PPP2R2B: variants seen among roughly 807,000 people sequenced by gnomAD.
The protein encoded by PPP2R2B is protein phosphatase 2 regulatory subunit Bbeta.
In PPP2R2B, 5 loss-of-function variants were observed where a neutral mutation model predicts 46.0. The ratio of observed to expected loss-of-function variants is 0.11; its 90% CI spans 0.06 to 0.23. The LOEUF (loss-of-function observed/expected upper bound fraction) is 0.23, where lower values mean the gene tolerates loss of function less well. Among genes scored for constraint, PPP2R2B ranks in the 10% least tolerant of loss-of-function variants. PPP2R2B has a pLI of 1.00. For missense variants in PPP2R2B, 367 were observed against 575.0 expected (o/e 0.64, Z 3.70); for synonymous variants, 215 against 206.7 (o/e 1.04, Z -0.34).
chr5:146,880,821 A>G (rs1762142391), upstream of PPP2R2B, among the ~76,000 whole-genome samples: 1 of 152,256 alleles, frequency 6.6e-6, no homozygotes, highest in African/African-American at 2.4e-5. Flanking sequence ...GCATTTATTC[A>G]ACAGTCCAGG....
chr5:146,900,554 T>TTCCATC (rs1762795761), intron 1 of PPP2R2B, among the ~76,000 whole-genome samples: 1 of 110,054 alleles, frequency 9.1e-6, no homozygotes, highest in Non-Finnish European at 1.8e-5. Context: ...TTCCTTCCTT[T>TTCCATC]CTTCCTTCCT....
chr5:146,775,490 T>A (rs1755126860), intron 2 of PPP2R2B, among the ~76,000 whole-genome samples: 2 of 152,146 alleles, frequency 1.3e-5, no homozygotes, highest in Admixed American at 1.3e-4. Context: ...GAAGGGAACA[T>A]CCTCAATTTG....
At chr5:146,690,427 C>T (rs1778777977) in intron 5 of PPP2R2B, among the ~76,000 whole-genome samples, 1 of 152,200 alleles carries the variant, frequency 6.6e-6, no homozygotes, top group African/African-American at 2.4e-5. Flanking sequence ...AACACTTTCT[C>T]AATGCATTTA....
At chr5:146,811,283 C>A (rs1008935032) in intron 2 of PPP2R2B, among the ~76,000 whole-genome samples, 5 of 152,130 alleles carry the variant, frequency 3.3e-5, no homozygotes, top group African/African-American at 1.2e-4. Flanking sequence ...CAGGCGTGAG[C>A]CACGGCGTCC....
chr5:146,839,584 G>A (rs1300140776), intron 2 of PPP2R2B, among the ~76,000 whole-genome samples: 1 of 152,192 alleles, frequency 6.6e-6, no homozygotes, highest in Non-Finnish European at 1.5e-5. Flanking sequence ...TGTCATCTGG[G>A]AGGTAAGTAT....
intron 5 of PPP2R2B, among the ~76,000 whole-genome samples, chr5:146,654,779 G>A (rs748669184): frequency 6.6e-5 from 10 of 152,152 alleles, no homozygotes; most frequent in African/African-American, 1.7e-4. Flanking sequence ...TCACCCTTCC[G>A]GGGTTGCTTG....
intron 1 of PPP2R2B, among the ~76,000 whole-genome samples, chr5:147,020,802 G>A (rs559393595): frequency 6.6e-6 from 1 of 152,178 alleles, no homozygotes; most frequent in Admixed American, 6.5e-5. Flanking sequence ...TTGAAGTTCA[G>A]GCATTTATAT....
At chr5:146,750,292 T>C (rs998192523) in intron 2 of PPP2R2B, among the ~76,000 whole-genome samples, 1 of 152,226 alleles carries the variant, frequency 6.6e-6, no homozygotes, top group African/African-American at 2.4e-5. Context: ...CCTTTGGTTT[T>C]CCATATACAT....
chr5:146,854,376 A>T (rs1277236213), intron 2 of PPP2R2B, among the ~76,000 whole-genome samples: 2 of 152,176 alleles, frequency 1.3e-5, no homozygotes, highest in Non-Finnish European at 2.9e-5. Context: ...AAGTTATGGT[A>T]TTCGGGTTAT....
intron 1 of PPP2R2B, among the ~76,000 whole-genome samples, chr5:146,935,189 G>A (rs1056772028): frequency 6.6e-6 from 1 of 152,164 alleles, no homozygotes; most frequent in South Asian, 2.1e-4. Context: ...CCTTTGAGAG[G>A]TGACTAGATC....
chr5:146,848,554 T>C (rs62373280), intron 2 of PPP2R2B, among the ~76,000 whole-genome samples: 14,334 of 152,122 alleles, frequency 0.094, 938 homozygotes, highest in East Asian at 0.22. Flanking sequence ...GTTTTTCTCG[T>C]GATTGAAGAC....
chr5:146,732,101 G>GAATGGAAA (rs1193003925), intron 2 of PPP2R2B, among the ~76,000 whole-genome samples: 4 of 152,100 alleles, frequency 2.6e-5, no homozygotes, highest in Non-Finnish European at 4.4e-5. Context: ...CCTTGATGCT[G>GAATGGAAA]ACTCATTCAT....
chr5:146,712,771 A>T (rs900298406), intron 2 of PPP2R2B, among the ~76,000 whole-genome samples: 1 of 152,062 alleles, frequency 6.6e-6, no homozygotes, highest in South Asian at 2.1e-4. Flanking sequence ...ATCATCCCCA[A>T]TAGAGGAGGA....
intron 1 of PPP2R2B, among the ~76,000 whole-genome samples, chr5:146,905,701 A>C (rs1484939707): frequency 5.9e-5 from 9 of 152,348 alleles, no homozygotes; most frequent in Non-Finnish European, 1.2e-4. Context: ...CCTCTAAATA[A>C]ATCTCAAAAT....
At chr5:147,022,473 T>C (rs557189876) in intron 1 of PPP2R2B, among the ~76,000 whole-genome samples, 1 of 151,834 alleles carries the variant, frequency 6.6e-6, no homozygotes, top group South Asian at 2.1e-4. Context: ...GGCAGGGGAA[T>C]CGCTTGAACG....
At chr5:146,956,594 C>T (rs1751921354) in intron 1 of PPP2R2B, among the ~76,000 whole-genome samples, 1 of 152,204 alleles carries the variant, frequency 6.6e-6, no homozygotes, top group Non-Finnish European at 1.5e-5. Context: ...CCATGCCAAA[C>T]ACACAGACCA....
chr5:146,743,848 A>T (rs1220851739), intron 2 of PPP2R2B, among the ~76,000 whole-genome samples: 1 of 152,198 alleles, frequency 6.6e-6, no homozygotes, highest in African/African-American at 2.4e-5. Flanking sequence ...CTGCCAATCA[A>T]TCTGCCTCCA....
At chr5:146,865,336 T>C (rs1464222677) in intron 2 of PPP2R2B, among the ~76,000 whole-genome samples, 1 of 151,282 alleles carries the variant, frequency 6.6e-6, no homozygotes, top group Non-Finnish European at 1.5e-5. Context: ...ACACTGAGCC[T>C]GGAAGGAAAT....
chr5:146,929,078 C>T (rs1018363413), intron 1 of PPP2R2B, among the ~76,000 whole-genome samples: 14 of 152,278 alleles, frequency 9.2e-5, no homozygotes, highest in Admixed American at 5.9e-4. Context: ...TTCTCAATGA[C>T]GCCCACCCTG....
Sources: allele counts gnomAD v4.1 joint callset (sites outside exome capture counted in the v4.1 genomes callset), GRCh38; gene constraint gnomAD v4.1.1; transcripts MANE v1.5; gene names NCBI Gene and HGNC (gene_info 2026-07-23, HGNC 2026-07-21).